ACACB: variants seen among roughly 807,000 people sequenced by gnomAD.
ACACB encodes the protein acetyl-CoA carboxylase beta.
Under a neutral mutation model 278.8 loss-of-function variants are expected in ACACB, and 209 were observed. That is an observed-to-expected ratio of 0.75 (90% CI 0.67 to 0.84). The LOEUF is 0.84. Ranked by LOEUF, ACACB falls within the 40% of genes least tolerant of loss-of-function variation. The pLI is 0.00. For synonymous variants in ACACB, 1,174 were observed against 1,285.6 expected, an observed-to-expected ratio of 0.91 and a Z score of 1.86; for missense variants, 2,850 against 3,269.0, an observed-to-expected ratio of 0.87 and a Z score of 3.13.
At chr12:109,156,957 T>G (rs374608277) in intron 2 of ACACB, among the ~76,000 whole-genome samples, 10 of 151,908 alleles carry the variant, frequency 6.6e-5, no homozygotes, top group African/African-American at 2.2e-4. Flanking sequence ...AATACCACTG[T>G]GGGGGCACTA....
At chr12:109,227,287 C>G in intron 27 of ACACB, 84 bp from the exon 28 acceptor site, 1 of 1,191,304 alleles carries the variant, frequency 8.4e-7, no homozygotes, top group African/African-American at 1.5e-5. Flanking sequence ...ATTTCTGGTA[C>G]CTGTTCCCCG....
At chr12:109,191,797 A>G (rs1244601996) in intron 14 of ACACB, 34 bp downstream of exon 14, 2 of 1,614,092 alleles carry the variant, frequency 1.2e-6, no homozygotes. Context: ...TCCCCTCTGG[A>G]TGGCCGAGAC....
Position 109,168,033 on chromosome 12 carries a change from A to G in ACACB, c.924A>G (p.Ala308=), listed in dbSNP as rs1565881945. The change falls in exon 4 of 53, where the codon GCA becomes GCG. Residue 308 remains alanine, a splice_region_variant and synonymous_variant. Coordinates refer to ENST00000338432, the MANE Select transcript of ACACB (RefSeq NM_001093.4). The part of the protein sequence containing the change: ...MVTPEDLKAN[A]EYIKMADHYV... ...CCCCCGAGGACCTTAAGGCCAACGCAGGTACCTGGGCCTTGACCCTCTCCT... is the reference window on the plus strand; with the variant it reads ...CCCCCGAGGACCTTAAGGCCAACGCGGGTACCTGGGCCTTGACCCTCTCCT... The G allele has an allele frequency of 1.2e-6, 2 of 1,605,840 alleles. No individual in the cohort carries two copies. Among genetic ancestry groups the G allele is most frequent in the Non-Finnish European group, 1.7e-6 (2 of 1,175,430 alleles).
Position 109,265,207 on chromosome 12 carries a change from G to A in ACACB, c.7040G>A (p.Ser2347Asn). 1.2e-6 allele frequency: 2 copies of A among 1,613,704 alleles called. No individual in the cohort carries two copies. Among genetic ancestry groups the A allele is most frequent in the African/African-American group, 1.3e-5 (1 of 75,064 alleles). The change falls in exon 51 of 53, where the codon AGC (serine) becomes AAC (asparagine). Residue 2347 changes from serine to asparagine, a missense_variant. By Grantham distance (46) the Ser-to-Asn change is conservative (BLOSUM62 1). Coordinates refer to ENST00000338432, the MANE Select transcript of ACACB (RefSeq NM_001093.4). ...GTCAAGCAGGAGATCCTGCAGGCCA[G>A]CGGGGAGCTGAGTCACGTGCATATC... Reference protein sequence around the residue: ...DQVKQEILQASGELSHVHIQS... With the variant: ...DQVKQEILQANGELSHVHIQS...
At chr12:109,235,702 A>T in intron 33 of ACACB, 55 bp downstream of exon 33, 1 of 1,518,524 alleles carries the variant, frequency 6.6e-7, no homozygotes, top group Non-Finnish European at 9.1e-7. Context: ...TTTATTTTTT[A>T]AGAGATGGGA....
At chr12:109,251,918 C>T in intron 41 of ACACB, 128 bp from the exon 42 acceptor site, 1 of 602,308 alleles carries the variant, frequency 1.7e-6, no homozygotes. Flanking sequence ...GGTTTGGCTC[C>T]AAATCGGGTT....
At position 109,199,480 on chromosome 12, in the gene ACACB, T is replaced by A. The variant is rs778484971; in HGVS notation, c.2706T>A (p.Ala902=). 6.4e-7 allele frequency: 1 copy of A among 1,571,902 alleles called. No homozygotes were observed. Among genetic ancestry groups the A allele is most frequent in the South Asian group, 1.2e-5 (1 of 84,774 alleles). The change falls in exon 18 of 53, where the codon GCT becomes GCA. Residue 902 remains alanine, a synonymous_variant. Transcript: ENST00000338432. The part of the protein sequence containing the change: ...NDPTVLRSPS[A]GKLTQYTVED... ...CTACAGTCCTGAGATCCCCCTCGGCTGGGAAGCTGACACAGTACACAGTGG... is the reference window on the plus strand; with the variant it reads ...CTACAGTCCTGAGATCCCCCTCGGCAGGGAAGCTGACACAGTACACAGTGG...
chr12:109,161,319 A>G (rs2043715397), intron 2 of ACACB, among the ~76,000 whole-genome samples: 1 of 152,178 alleles, frequency 6.6e-6, no homozygotes, highest in Non-Finnish European at 1.5e-5. Flanking sequence ...TGAGGCAGGC[A>G]GATCACTTGA....
intron 1 of ACACB, among the ~76,000 whole-genome samples, chr12:109,137,791 T>A (rs74783014): frequency 0.015 from 2,327 of 152,280 alleles, 28 homozygotes; most frequent in Middle Eastern, 0.034. Flanking sequence ...AGGTCCCATT[T>A]AAAAATTTTT....
At chr12:109,185,769 C>A in intron 12 of ACACB, 29 bp downstream of exon 12, 1 of 1,588,628 alleles carries the variant, frequency 6.3e-7, no homozygotes, top group Non-Finnish European at 8.6e-7. Context: ...TGTGTTTCCA[C>A]CATCTCAGAT....
At chr12:109,244,584 T>C (rs1354372681) in intron 37 of ACACB, among the ~76,000 whole-genome samples, 1 of 152,046 alleles carries the variant, frequency 6.6e-6, no homozygotes, top group African/African-American at 2.4e-5. Context: ...GATAAATCCA[T>C]TGTCTCTTTT....
chr12:109,240,324 G>A (rs1179838649), intron 35 of ACACB, among the ~76,000 whole-genome samples: 2 of 152,068 alleles, frequency 1.3e-5, no homozygotes, highest in African/African-American at 4.8e-5. Flanking sequence ...GTGGCTGAAT[G>A]TTCCCTGTCA....
intron 47 of ACACB, 97 bp downstream of exon 47, chr12:109,259,205 A>C: frequency 7.0e-7 from 1 of 1,424,074 alleles, no homozygotes; most frequent in Non-Finnish European, 9.6e-7. Flanking sequence ...GTCTGTGCCC[A>C]TCATCATCTT....
At chr12:109,154,352 C>T (rs2043458827) in intron 2 of ACACB, among the ~76,000 whole-genome samples, 1 of 152,226 alleles carries the variant, frequency 6.6e-6, no homozygotes, top group African/African-American at 2.4e-5. Flanking sequence ...GGACTTTTAA[C>T]GGGCACAGTG....
At chr12:109,210,391 A>G (rs1336348168) in intron 21 of ACACB, among the ~76,000 whole-genome samples, 1 of 141,178 alleles carries the variant, frequency 7.1e-6, no homozygotes, top group African/African-American at 2.8e-5. Flanking sequence ...ACATGTGTAT[A>G]TATGTATATA....
intron 34 of ACACB, among the ~76,000 whole-genome samples, chr12:109,238,977 C>T (rs1215384174): frequency 4.6e-5 from 7 of 152,062 alleles, no homozygotes; most frequent in African/African-American, 1.2e-4. Context: ...AGTGCAGTGG[C>T]GTGATCTTGG....
In ACACB at chr12:109,222,597, A is replaced by G. The variant is rs2046203387; in HGVS notation, c.3655A>G (p.Lys1219Glu). 2 of 1,614,058 alleles carry G rather than the reference A, an allele frequency of 1.2e-6. No homozygotes were observed. Among genetic ancestry groups the G allele is most frequent in the African/African-American group, 1.3e-5 (1 of 74,926 alleles). Residue 1219 changes from lysine (K) to glutamate (E), a missense_variant, in exon 25 of 53, where the codon AAA becomes GAA. By Grantham distance (56) the Lys-to-Glu change is moderately conservative (BLOSUM62 1). Transcript: ENST00000338432. ...TCAGCTGAGCAAAAGCGAGCACTGC[A>G]AAGTGGCCCTCAGAGCCCGGCAGGT... Reference protein sequence around the residue: ...LTQLSKSEHCKVALRARQILI... With the variant: ...LTQLSKSEHCEVALRARQILI...
At chr12:109,131,938 C>G (rs1386680654) in intron 1 of ACACB, among the ~76,000 whole-genome samples, 7 of 152,084 alleles carry the variant, frequency 4.6e-5, no homozygotes, top group Non-Finnish European at 1.0e-4. Flanking sequence ...GTTTGCATGT[C>G]GATCTGCGGC....
rs142989070 is a variant in ACACB at position 109,185,693 on chromosome 12, C to A, written c.1933C>A (p.Arg645=). The A allele has an allele frequency of 1.9e-6, 3 of 1,613,372 alleles. No homozygotes were observed. The highest frequency in any genetic ancestry group is 1.1e-5 in the South Asian group (1 of 90,934). ...AACCCCCTCAAACCCTCCCCTCGCC[C>A]GAGGCCACGTCATTGCCGCCAGAAT... The part of the protein sequence containing the change: ...FETPSNPPLA[R]GHVIAARITS... The change falls in exon 12 of 53, where the codon CGA becomes AGA. Residue 645 remains arginine, a synonymous_variant. Transcript: ENST00000338432.
Sources: allele counts gnomAD v4.1 joint callset (sites outside exome capture counted in the v4.1 genomes callset), GRCh38; gene constraint gnomAD v4.1.1; transcripts MANE v1.5; gene names NCBI Gene and HGNC (gene_info 2026-07-23, HGNC 2026-07-21).